Variants in AHCYL1 observed in about 807,000 individuals in gnomAD.
AHCYL1 encodes adenosylhomocysteinase like 1.
In AHCYL1, 20 loss-of-function variants were observed where a neutral mutation model predicts 79.3. The ratio of observed to expected loss-of-function variants is 0.25; its 90% CI spans 0.18 to 0.37. The LOEUF is 0.37. Among genes scored for constraint, AHCYL1 ranks in the 10% least tolerant of loss-of-function variants. The pLI, the probability that AHCYL1 is intolerant of heterozygous loss-of-function variation, is 1.00. For missense variants in AHCYL1, 330 were observed against 673.6 expected (o/e 0.49, Z 5.65); for synonymous variants, 223 against 242.2 (o/e 0.92, Z 0.74).
intron 1 of AHCYL1, among the ~76,000 whole-genome samples, chr1:110,007,176 A>G (rs886334654): frequency 6.6e-6 from 1 of 152,086 alleles, no homozygotes; most frequent in Non-Finnish European, 1.5e-5. Flanking sequence ...CTCACCCTCC[A>G]TGTACCTGGT....
At chr1:109,988,320 A>G (rs1420768754) in intron 1 of AHCYL1, among the ~76,000 whole-genome samples, 1 of 152,246 alleles carries the variant, frequency 6.6e-6, no homozygotes, top group African/African-American at 2.4e-5. Context: ...TGGTGATTTC[A>G]GATGGTATGG....
In AHCYL1 at chr1:110,003,673, A is replaced by G. The variant is rs184562477; in HGVS notation, c.121-5361A>G. 4.6e-5 allele frequency among the ~76,000 whole-genome samples: 7 copies of G among 152,168 alleles called. No homozygotes were observed. The South Asian group carries it at 1.2e-3, about 27-fold the overall frequency. On this transcript the variant is annotated intron_variant, in intron 1 of 16. Coordinates refer to ENST00000369799, the MANE Select transcript of AHCYL1 (RefSeq NM_006621.7). ...ACAGAGATGACTGGCATGTGTTTAT[A>G]TAATATTGGTGGTGGGACTGAGAAA...
At chr1:110,008,210 C>T (rs368109743) in intron 1 of AHCYL1, among the ~76,000 whole-genome samples, 2 of 151,786 alleles carry the variant, frequency 1.3e-5, no homozygotes, top group East Asian at 1.9e-4. Flanking sequence ...TTAGTAGAGA[C>T]GGGGCTTCAC....
chr1:110,003,872 G>A, intron 1 of AHCYL1: 6 of 959,198 alleles, frequency 6.3e-6, no homozygotes, highest in Non-Finnish European at 7.4e-6. Flanking sequence ...CTTCTAGTTG[G>A]CAGTTGCAGG....
intron 1 of AHCYL1, among the ~76,000 whole-genome samples, chr1:110,005,599 G>A (rs1007953609): frequency 6.6e-6 from 1 of 152,156 alleles, no homozygotes; most frequent in Non-Finnish European, 1.5e-5. Flanking sequence ...ACCATTTCTT[G>A]GCTAAAATGT....
chr1:110,013,045 C>G (rs1651152545), intron 5 of AHCYL1, 46 bp downstream of exon 5: 1 of 1,448,296 alleles, frequency 6.9e-7, no homozygotes, highest in Admixed American at 1.9e-5. Flanking sequence ...AATAGTTATC[C>G]AAACATATAA....
chr1:110,008,559 T>C (rs1402156467), intron 1 of AHCYL1, among the ~76,000 whole-genome samples: 2 of 146,010 alleles, frequency 1.4e-5, no homozygotes, highest in African/African-American at 2.6e-5. Context: ...TCTAGGCATC[T>C]CTTCATAATT....
chr1:110,004,725 A>C (rs1650537212), intron 1 of AHCYL1, among the ~76,000 whole-genome samples: 2 of 151,970 alleles, frequency 1.3e-5, no homozygotes, highest in South Asian at 4.1e-4. Flanking sequence ...CAGCCTGGCA[A>C]ACATAGTGAG....
chr1:110,008,517 T>G (rs1177727685), intron 1 of AHCYL1, among the ~76,000 whole-genome samples: 1 of 152,206 alleles, frequency 6.6e-6, no homozygotes, highest in African/African-American at 2.4e-5. Flanking sequence ...GGTTGGGCTC[T>G]GAGTATTGGC....
rs368792573 is a variant in AHCYL1, at chr1:110,014,768, G to A, written c.586G>A (p.Ala196Thr). 1 of 1,613,790 alleles carries A rather than the reference G, an allele frequency of 6.2e-7. No homozygotes were observed. The highest frequency in any genetic ancestry group is 1.7e-4 in the Middle Eastern group (1 of 6,060). Reference protein sequence around the residue: ...VAAALAEAGVAVFAWKGESED... With the variant: ...VAAALAEAGVTVFAWKGESED... Reference sequence around the variant, plus strand: ...ATTCATTTCTGTCTCTACAGGAGTTGCAGTGTTCGCTTGGAAGGGCGAGTC... The same window carrying A: ...ATTCATTTCTGTCTCTACAGGAGTTACAGTGTTCGCTTGGAAGGGCGAGTC... The change falls in exon 6 of 17, where the codon GCA (alanine) becomes ACA (threonine). Residue 196 changes from alanine (A) to threonine (T), a missense_variant. By Grantham distance (58) the Ala-to-Thr change is moderately conservative. Around this residue, in one of 6 missense-constraint regions of AHCYL1, gnomAD observed 25 missense variants for 27.7 expected, o/e 0.90. Transcript: ENST00000369799.
intron 1 of AHCYL1, among the ~76,000 whole-genome samples, chr1:109,992,233 C>T (rs1649798574): frequency 6.6e-6 from 1 of 151,796 alleles, no homozygotes; most frequent in Non-Finnish European, 1.5e-5. Context: ...ATGGTGAAAC[C>T]CCATCTCTAC....
intron 1 of AHCYL1, among the ~76,000 whole-genome samples, chr1:109,991,829 T>TG (rs1332389578): frequency 1.3e-5 from 2 of 152,206 alleles, no homozygotes; most frequent in African/African-American, 4.8e-5. Context: ...TTAGACTTCC[T>TG]GAATGAAGCC....
chr1:110,009,000 T>G (rs779393312), intron 1 of AHCYL1, 34 bp from the exon 2 acceptor site: 2 of 1,525,668 alleles, frequency 1.3e-6, no homozygotes, highest in South Asian at 2.3e-5. Context: ...ATTTTCCTTA[T>G]AAGTTTTCAA....
At position 109,997,746 on chromosome 1, in the gene AHCYL1, C is replaced by A. The variant is rs112767842; in HGVS notation, c.121-11288C>A. On this transcript the variant is annotated intron_variant, in intron 1 of 16. Transcript: ENST00000369799. ...GAGAGAATTATGTAGAAAGACACAG[C>A]CGGATTTAGAGGTTGGAGCACATAG... Among the ~76,000 whole-genome samples, 959 of 152,232 alleles carry A rather than the reference C, an allele frequency of 6.3e-3. 4 individuals carry two copies. Among genetic ancestry groups the A allele is most frequent in the Non-Finnish European group, 0.01 (701 of 68,002 alleles).
chr1:110,016,554 A>C (rs1211291301), intron 8 of AHCYL1, 94 bp downstream of exon 8: 5 of 1,565,432 alleles, frequency 3.2e-6, no homozygotes. Flanking sequence ...TACTGAGCTC[A>C]ACCAGCTTCC....
intron 1 of AHCYL1, among the ~76,000 whole-genome samples, chr1:109,995,267 C>T (rs1306226880): frequency 2.6e-5 from 4 of 152,064 alleles, no homozygotes; most frequent in Non-Finnish European, 5.9e-5. Context: ...GGAGGTGGAG[C>T]CCCTCCTATT....
In AHCYL1 at chr1:110,017,635, T is replaced by C. The variant is rs770878550; in HGVS notation, c.1052+52T>C. On this transcript the variant is annotated intron_variant, in intron 10 of 16. Transcript: ENST00000369799. ...GATTCACTCTAGGTGCTTTATGTTA[T>C]TGAGAGTTCATAATTGAGTATATTA... 25 of 1,559,398 alleles carry C rather than the reference T, an allele frequency of 1.6e-5. No individual in the cohort carries two copies. In the African/African-American group the frequency reaches 2.2e-4, roughly 14 times the overall value.
Position 110,017,546 on chromosome 1 carries a change from A to G in AHCYL1, c.1015A>G (p.Ile339Val). 1 of 1,614,162 alleles carries G rather than the reference A, an allele frequency of 6.2e-7. No individual in the cohort carries two copies. Among genetic ancestry groups the G allele is most frequent in the Admixed American group, 1.7e-5 (1 of 60,016 alleles). Reference protein sequence around the residue: ...ALKALGAIVYITEIDPICALQ... With the variant: ...ALKALGAIVYVTEIDPICALQ... ...CAAAGCTCTTGGAGCAATTGTCTAC[A>G]TTACCGAAATCGACCCCATCTGTGC... The change falls in exon 10 of 17, where the codon ATT becomes GTT. Residue 339 changes from isoleucine to valine, a missense_variant. Coordinates refer to ENST00000369799, the MANE Select transcript of AHCYL1 (RefSeq NM_006621.7).
At chr1:109,991,483 G>A (rs1184134088) in intron 1 of AHCYL1, among the ~76,000 whole-genome samples, 1 of 152,172 alleles carries the variant, frequency 6.6e-6, no homozygotes, top group African/African-American at 2.4e-5. Flanking sequence ...ACTCAGTTGT[G>A]TGATGGAAAT....
Sources: allele counts gnomAD v4.1 joint callset (sites outside exome capture counted in the v4.1 genomes callset), GRCh38; gene constraint gnomAD v4.1.1; regional missense constraint gnomAD v4.1.1; transcripts MANE v1.5; gene names NCBI Gene and HGNC (gene_info 2026-07-23, HGNC 2026-07-21).